Variants in PRELID2 observed in about 807,000 individuals in gnomAD.
PRELID2 encodes PRELI domain containing 2.
In PRELID2, 25 loss-of-function variants were observed where a neutral mutation model predicts 28.4. The observed-to-expected ratio is 0.88, with a 90% confidence interval of 0.64 to 1.23. The LOEUF (loss-of-function observed/expected upper bound fraction) is 1.23. Ranked by LOEUF, PRELID2 falls within the 50% of genes most tolerant of loss-of-function variation. The pLI is 0.00. For missense variants in PRELID2, 201 were observed against 214.4 expected (o/e 0.94, Z 0.39); for synonymous variants, 76 against 71.6 (o/e 1.06, Z -0.31).
At chr5:145,812,835 A>G (rs1754045388) in intron 4 of PRELID2, among the ~76,000 whole-genome samples, 2 of 152,200 alleles carry the variant, frequency 1.3e-5, no homozygotes, top group Admixed American at 1.3e-4. Context: ...ATTCCATTCC[A>G]TAAAAAACTA....
chr5:145,457,231 T>A, the PRELID2 span, among the ~76,000 whole-genome samples: 1 of 152,170 alleles, frequency 6.6e-6, no homozygotes, highest in African/African-American at 2.4e-5. Context: ...ACTAAGACAG[T>A]GGCTTAACCC....
At chr5:145,720,312 A>G (rs890727642) in intron 1 of PRELID2, among the ~76,000 whole-genome samples, 3 of 151,768 alleles carry the variant, frequency 2.0e-5, no homozygotes, top group African/African-American at 7.2e-5. Flanking sequence ...CAGTAAAATT[A>G]TGAGACATTA....
chr5:145,412,758 T>C, the PRELID2 span, among the ~76,000 whole-genome samples: 1 of 152,188 alleles, frequency 6.6e-6, no homozygotes, highest in Non-Finnish European at 1.5e-5. Context: ...AAGAAATATC[T>C]GAGACTCAGT....
At chr5:145,663,857 T>C (rs913872992) in intron 1 of PRELID2, among the ~76,000 whole-genome samples, 2 of 152,136 alleles carry the variant, frequency 1.3e-5, no homozygotes, top group Non-Finnish European at 2.9e-5. Context: ...TCCTATAATG[T>C]GCTCAGCAGT....
intron 5 of PRELID2, among the ~76,000 whole-genome samples, chr5:145,774,461 AC>A (rs1758288858): frequency 6.6e-6 from 1 of 152,230 alleles, no homozygotes; most frequent in Admixed American, 6.5e-5. Flanking sequence ...CTGGCACACA[AC>A]AGACTTTTGT....
At chr5:145,245,890 C>T in the PRELID2 span, among the ~76,000 whole-genome samples, 1 of 151,998 alleles carries the variant, frequency 6.6e-6, no homozygotes, top group Non-Finnish European at 1.5e-5. Context: ...CACCGTGGCA[C>T]TCAACACATT....
intron 1 of PRELID2, among the ~76,000 whole-genome samples, chr5:145,483,426 C>T (rs1485969761): frequency 1.3e-5 from 2 of 152,194 alleles, no homozygotes; most frequent in South Asian, 2.1e-4. Flanking sequence ...GACTCATTAG[C>T]TCATCACAGA....
chr5:145,458,711 C>T, the PRELID2 span, among the ~76,000 whole-genome samples: 1 of 152,186 alleles, frequency 6.6e-6, no homozygotes, highest in East Asian at 1.9e-4. Flanking sequence ...AGAGAAAATA[C>T]TGGAAGAAAT....
chr5:145,599,943 C>G (rs1183627883), intron 1 of PRELID2, among the ~76,000 whole-genome samples: 2 of 152,022 alleles, frequency 1.3e-5, no homozygotes, highest in African/African-American at 4.8e-5. Flanking sequence ...AAACATCTTC[C>G]AAGGTATTTC....
At chr5:145,331,422 T>C in the PRELID2 span, among the ~76,000 whole-genome samples, 91 of 152,242 alleles carry the variant, frequency 6.0e-4, 1 homozygote, top group Middle Eastern at 3.4e-3. Context: ...TTTGTAGGCC[T>C]CTAAGAACTT....
the PRELID2 span, among the ~76,000 whole-genome samples, chr5:145,443,461 T>G: frequency 6.6e-6 from 1 of 152,190 alleles, no homozygotes; most frequent in Non-Finnish European, 1.5e-5. Flanking sequence ...AACGCTCAAT[T>G]GGCCAAGCCT....
chr5:145,348,583 G>A, the PRELID2 span, among the ~76,000 whole-genome samples: 96 of 151,552 alleles, frequency 6.3e-4, no homozygotes, highest in Admixed American at 3.6e-3. Flanking sequence ...AAGACAAGAG[G>A]GTATTGCTTT....
the PRELID2 span, among the ~76,000 whole-genome samples, chr5:145,317,418 C>T: frequency 6.6e-6 from 1 of 152,138 alleles, no homozygotes; most frequent in Non-Finnish European, 1.5e-5. Flanking sequence ...AGAGCAAGCC[C>T]TATATTGTAG....
chr5:145,790,721 G>GTGTGTGTGTGTGTATATATATA (rs772901344), intron 5 of PRELID2, among the ~76,000 whole-genome samples: 49 of 110,902 alleles, frequency 4.4e-4, no homozygotes, highest in Non-Finnish European at 6.8e-4. Context: ...GTGTGTGTGT[G>GTGTGTGTGTGTGTATATATATA]TATATATATA....
chr5:145,374,462 G>T, the PRELID2 span, among the ~76,000 whole-genome samples: 1 of 151,874 alleles, frequency 6.6e-6, no homozygotes, highest in East Asian at 1.9e-4. Context: ...ATGTGTGTTG[G>T]GTTGATCTTC....
the PRELID2 span, among the ~76,000 whole-genome samples, chr5:145,369,032 T>C: frequency 2.0e-5 from 3 of 151,894 alleles, no homozygotes; most frequent in Admixed American, 6.6e-5. Flanking sequence ...ATTTTCATCA[T>C]TGATCTCCCA....
At chr5:145,232,620 C>T in the PRELID2 span, among the ~76,000 whole-genome samples, 2 of 152,124 alleles carry the variant, frequency 1.3e-5, no homozygotes, top group African/African-American at 2.4e-5. Context: ...CTCAACTAGA[C>T]TGGCAACTTA....
At chr5:145,358,171 G>A in the PRELID2 span, among the ~76,000 whole-genome samples, 1 of 152,064 alleles carries the variant, frequency 6.6e-6, no homozygotes, top group African/African-American at 2.4e-5. Context: ...CTTCTCAGGG[G>A]AACACAGGGT....
At chr5:145,522,396 GACAC>G (rs111725998) in intron 1 of PRELID2, among the ~76,000 whole-genome samples, 54 of 150,192 alleles carry the variant, frequency 3.6e-4, no homozygotes, top group African/African-American at 1.2e-3. Context: ...TAGATACAGA[GACAC>G]ACACACACAC....
Sources: gnomAD v4.1 joint callset for allele counts (sites outside exome capture counted in the v4.1 genomes callset) on GRCh38, gnomAD v4.1.1 for gene constraint, MANE v1.5 for transcripts, NCBI Gene and HGNC (gene_info 2026-07-23, HGNC 2026-07-21) for gene names.